Variants in EPHA3 observed in about 807,000 individuals in gnomAD.
EPHA3 encodes the protein EPH receptor A3.
EPHA3 carries 42 observed loss-of-function variants against 107.1 expected under a neutral mutation model. That is an observed-to-expected ratio of 0.39 (90% CI 0.31 to 0.51). EPHA3 has a LOEUF of 0.51. Among genes scored for constraint, EPHA3 ranks in the 20% least tolerant of loss-of-function variants. The pLI is 0.78. For synonymous variants in EPHA3, 461 were observed against 424.8 expected, an observed-to-expected ratio of 1.09 and a Z score of -1.05; for missense variants, 1,183 against 1,211.2, an observed-to-expected ratio of 0.98 and a Z score of 0.35.
At chr3:89,212,434 A>C (rs1704124017) in intron 3 of EPHA3, among the ~76,000 whole-genome samples, 1 of 152,026 alleles carries the variant, frequency 6.6e-6, no homozygotes. Context: ...AAACTGAGTC[A>C]TCTGGCATTC....
intron 3 of EPHA3, among the ~76,000 whole-genome samples, chr3:89,240,894 T>C (rs1281527358): frequency 1.3e-5 from 2 of 152,092 alleles, no homozygotes; most frequent in African/African-American, 4.8e-5. Context: ...AATTTTAAAT[T>C]GAAATGTTAA....
intron 3 of EPHA3, among the ~76,000 whole-genome samples, chr3:89,335,083 T>G (rs933324589): frequency 1.3e-5 from 2 of 152,220 alleles, no homozygotes; most frequent in African/African-American, 4.8e-5. Context: ...TTTTGACTTT[T>G]ATTACTATAA....
chr3:89,315,894 A>G (rs780345972), intron 3 of EPHA3, among the ~76,000 whole-genome samples: 2 of 151,872 alleles, frequency 1.3e-5, no homozygotes, highest in African/African-American at 4.8e-5. Context: ...AATCATCTCT[A>G]AAGTATTATA....
intron 15 of EPHA3, among the ~76,000 whole-genome samples, chr3:89,457,957 G>C (rs879377472): frequency 1.3e-5 from 2 of 152,218 alleles, no homozygotes; most frequent in Non-Finnish European, 2.9e-5. Flanking sequence ...AATACTTCCA[G>C]GTTCTGAATG....
intron 13 of EPHA3, among the ~76,000 whole-genome samples, chr3:89,437,561 T>C (rs571749030): frequency 6.6e-6 from 1 of 152,336 alleles, no homozygotes; most frequent in East Asian, 1.9e-4. Context: ...CATGACACTA[T>C]TGTAGAACAG....
In EPHA3 at chr3:89,479,738, T is replaced by C. The variant is rs547652076; in HGVS notation, c.*236T>C. On this transcript the variant is annotated 3_prime_UTR_variant, in exon 17 of 17. Transcript: ENST00000336596. ...AATTGCTTTTTTAAATATTAGTTAATGGATTAAATTTAATTCTTCAGCGTA... is the reference window on the plus strand; with the variant it reads ...AATTGCTTTTTTAAATATTAGTTAACGGATTAAATTTAATTCTTCAGCGTA... The C allele has an allele frequency of 6.3e-5, 28 of 443,668 alleles. No individual in the cohort carries two copies. Among genetic ancestry groups the C allele is most frequent in the Non-Finnish European group, 9.7e-5 (24 of 247,586 alleles). 27.5% of individuals were successfully genotyped at this position (443,668 alleles called of 1,614,324 possible). A position where few individuals can be genotyped will look rare whatever the true frequency, so the allele number is the denominator to read the frequency against.
intron 3 of EPHA3, among the ~76,000 whole-genome samples, chr3:89,215,596 A>G (rs1704204320): frequency 6.6e-6 from 1 of 151,924 alleles, no homozygotes; most frequent in South Asian, 2.1e-4. Context: ...GAGCAAATTC[A>G]TATCTAAGCA....
intron 5 of EPHA3, among the ~76,000 whole-genome samples, chr3:89,348,296 T>C (rs1339619781): frequency 7.1e-6 from 1 of 140,900 alleles, no homozygotes; most frequent in Non-Finnish European, 1.6e-5. Flanking sequence ...TTTCAGCTCC[T>C]GTTATTGATC....
chr3:89,478,952 A>G (rs1710572578), intron 16 of EPHA3, among the ~76,000 whole-genome samples: 1 of 152,118 alleles, frequency 6.6e-6, no homozygotes, highest in Non-Finnish European at 1.5e-5. Flanking sequence ...CGTCTCTTCT[A>G]GTTTCTGGTG....
intron 2 of EPHA3, among the ~76,000 whole-genome samples, chr3:89,204,807 G>T (rs1706061578): frequency 6.6e-6 from 1 of 152,072 alleles, no homozygotes; most frequent in Non-Finnish European, 1.5e-5. Flanking sequence ...ATACTTCCAG[G>T]ACGAAGACTG....
At chr3:89,440,713 T>G (rs1272357071) in intron 13 of EPHA3, among the ~76,000 whole-genome samples, 1 of 152,244 alleles carries the variant, frequency 6.6e-6, no homozygotes, top group Non-Finnish European at 1.5e-5. Flanking sequence ...GGACAAGGTT[T>G]TAGACTCTCA....
At chr3:89,398,598 C>A (rs1708895493) in intron 6 of EPHA3, among the ~76,000 whole-genome samples, 1 of 148,740 alleles carries the variant, frequency 6.7e-6, no homozygotes, top group South Asian at 2.1e-4. Flanking sequence ...AAAAAAAGTT[C>A]TACTCCAGAA....
intron 5 of EPHA3, among the ~76,000 whole-genome samples, chr3:89,383,957 A>G (rs1254501813): frequency 3.3e-5 from 5 of 151,904 alleles, no homozygotes; most frequent in Admixed American, 6.6e-5. Flanking sequence ...CAGTCAGCCA[A>G]TTTCTAATCT....
chr3:89,244,491 T>C (rs1398010470), intron 3 of EPHA3, among the ~76,000 whole-genome samples: 2 of 152,152 alleles, frequency 1.3e-5, no homozygotes, highest in African/African-American at 4.8e-5. Context: ...TGTTTTATAC[T>C]ATCCATTAAA....
chr3:89,209,832 C>G, intron 2 of EPHA3, 28 bp from the exon 3 acceptor site: 1 of 1,548,278 alleles, frequency 6.5e-7, no homozygotes, highest in Non-Finnish European at 8.7e-7. Flanking sequence ...AATTCTGCCT[C>G]ACTCTCTGTT....
chr3:89,432,882 T>C (rs1709596164), intron 13 of EPHA3, among the ~76,000 whole-genome samples: 1 of 152,124 alleles, frequency 6.6e-6, no homozygotes, highest in Admixed American at 6.6e-5. Flanking sequence ...CTGTTTTAAC[T>C]TAAAAATATA....
At chr3:89,132,546 T>G (rs919274637) in intron 2 of EPHA3, among the ~76,000 whole-genome samples, 4 of 152,198 alleles carry the variant, frequency 2.6e-5, no homozygotes, top group African/African-American at 9.7e-5. Flanking sequence ...CCATTCTATC[T>G]CTACCACTTA....
intron 3 of EPHA3, among the ~76,000 whole-genome samples, chr3:89,221,159 C>T (rs912557383): frequency 6.6e-6 from 1 of 151,278 alleles, no homozygotes; most frequent in African/African-American, 2.5e-5. Context: ...CATCAGCCTG[C>T]TTTACCAGAA....
chr3:89,371,007 G>A (rs2107471197), intron 5 of EPHA3, among the ~76,000 whole-genome samples: 1 of 151,612 alleles, frequency 6.6e-6, no homozygotes, highest in African/African-American at 2.4e-5. Flanking sequence ...AACTACCAAG[G>A]AATTTTTAAA....
Sources: gnomAD v4.1 joint callset for allele counts (sites outside exome capture counted in the v4.1 genomes callset) on GRCh38, gnomAD v4.1.1 for gene constraint, MANE v1.5 for transcripts, NCBI Gene and HGNC (gene_info 2026-07-23, HGNC 2026-07-21) for gene names.